GSTA1: variants seen among roughly 807,000 people sequenced by gnomAD.
GSTA1 encodes glutathione S-transferase alpha 1.
Under a neutral mutation model 21.5 loss-of-function variants are expected in GSTA1, and 23 were observed. That is an observed-to-expected ratio of 1.07 (90% CI 0.77 to 1.52). The LOEUF (loss-of-function observed/expected upper bound fraction) is 1.52. Ranked by LOEUF, GSTA1 falls within the 40% of genes most tolerant of loss-of-function variation. The pLI is 0.00. For missense variants in GSTA1, 301 were observed against 264.2 expected (o/e 1.14, Z -0.96); for synonymous variants, 125 against 90.0 (o/e 1.39, Z -2.20).
At chr6:52,795,111 T>A (rs1249385100) in intron 4 of GSTA1, among the ~76,000 whole-genome samples, 1 of 370 alleles carries the variant, frequency 2.7e-3, no homozygotes, top group African/African-American at 3.1e-3. Context: ...ATTAGCAGTA[T>A]TCTTTTTTCT....
intron 2 of GSTA1, 27 bp downstream of exon 2, chr6:52,799,154 C>T (rs1201052994): frequency 6.2e-7 from 1 of 1,603,124 alleles, no homozygotes; most frequent in East Asian, 2.2e-5. Context: ...TTAAATCCAA[C>T]TTAAGATGAC....
chr6:52,799,485 GCAA>G (rs1763662881), intron 1 of GSTA1, among the ~76,000 whole-genome samples, 188 bp from the exon 2 acceptor site: 1 of 152,166 alleles, frequency 6.6e-6, no homozygotes, highest in Admixed American at 6.5e-5. Context: ...TCAGATTCCA[GCAA>G]ACCAGTCTCA....
At chr6:52,796,106 T>A in intron 4 of GSTA1, 76 bp downstream of exon 4, 1 of 1,604,388 alleles carries the variant, frequency 6.2e-7, no homozygotes, top group South Asian at 1.1e-5. Context: ...TGCCCTGCCA[T>A]CGTCCCACCC....
At chr6:52,800,537 C>G (rs1763691313) in intron 1 of GSTA1, among the ~76,000 whole-genome samples, 1 of 152,238 alleles carries the variant, frequency 6.6e-6, no homozygotes, top group Non-Finnish European at 1.5e-5. Flanking sequence ...TGCATGCTCA[C>G]TTGCTCATTG....
intron 4 of GSTA1, among the ~76,000 whole-genome samples, chr6:52,795,946 C>T (rs1296988335): frequency 9.2e-5 from 14 of 152,108 alleles, no homozygotes; most frequent in Non-Finnish European, 1.0e-4. Context: ...TGGAAATTAC[C>T]GTGAGGTGCT....
intron 3 of GSTA1, among the ~76,000 whole-genome samples, chr6:52,796,552 T>A (rs1486494835): frequency 6.8e-5 from 8 of 118,224 alleles, no homozygotes; most frequent in African/African-American, 2.2e-4. Context: ...TATTTTTTTT[T>A]TTTTTTTTTT....
intron 5 of GSTA1, among the ~76,000 whole-genome samples, chr6:52,793,582 C>T (rs748428056): frequency 2.0e-5 from 3 of 152,134 alleles, no homozygotes; most frequent in African/African-American, 4.8e-5. Flanking sequence ...CAAGCTGAAG[C>T]GTTTACGGGT....
At chr6:52,792,103 G>A in intron 6 of GSTA1, 123 bp from the exon 7 acceptor site, 1 of 1,391,184 alleles carries the variant, frequency 7.2e-7, no homozygotes, top group Non-Finnish European at 9.8e-7. Flanking sequence ...GCACAAGCAT[G>A]GAGGCAGAAA....
At chr6:52,800,577 C>T (rs1235535553) in intron 1 of GSTA1, among the ~76,000 whole-genome samples, 2 of 152,158 alleles carry the variant, frequency 1.3e-5, no homozygotes, top group African/African-American at 2.4e-5. Context: ...TGACTGGGCT[C>T]ATCAGTGAAG....
chr6:52,792,624 C>A, intron 6 of GSTA1: 1 of 1,076,168 alleles, frequency 9.3e-7, no homozygotes, highest in Non-Finnish European at 1.3e-6. Context: ...GGGTTCTTTC[C>A]ATAATAAAGG....
At chr6:52,795,794 C>A (rs1763561968) in intron 4 of GSTA1, among the ~76,000 whole-genome samples, 4 of 152,154 alleles carry the variant, frequency 2.6e-5, no homozygotes. Flanking sequence ...GTCTTTGCAA[C>A]TTTCCCTCCC....
chr6:52,795,439 A>G (rs951621181), intron 4 of GSTA1, among the ~76,000 whole-genome samples: 1 of 152,056 alleles, frequency 6.6e-6, no homozygotes, highest in African/African-American at 2.4e-5. Context: ...ATTTATGTAA[A>G]ATATATAGTG....
At chr6:52,794,610 T>C (rs889912874) in intron 4 of GSTA1, among the ~76,000 whole-genome samples, 6 of 152,336 alleles carry the variant, frequency 3.9e-5, no homozygotes, top group Non-Finnish European at 8.8e-5. Context: ...GTTCTGTGCA[T>C]GAACTTAGTG....
At chr6:52,802,386 A>G (rs1355522395) in intron 1 of GSTA1, among the ~76,000 whole-genome samples, 4 of 152,160 alleles carry the variant, frequency 2.6e-5, no homozygotes, top group Non-Finnish European at 5.9e-5. Context: ...AGGTTGTTTA[A>G]TCTCTGAGCC....
chr6:52,798,555 T>C (rs1763639924), intron 2 of GSTA1, among the ~76,000 whole-genome samples: 2 of 104,564 alleles, frequency 1.9e-5, no homozygotes, highest in East Asian at 2.4e-4. Flanking sequence ...CTAATTACAA[T>C]CATTTTTTAA....
rs1358949838 is a variant in GSTA1, at chr6:52,800,923, C to A, written c.-30-1626G>T. Among the ~76,000 whole-genome samples, 4 of 151,866 alleles carry A rather than the reference C, an allele frequency of 2.6e-5. No homozygotes were observed. The East Asian group carries it at 7.7e-4, about 29-fold the overall frequency. On this transcript the variant is annotated intron_variant, in intron 1 of 6. Coordinates refer to ENST00000334575, the MANE Select transcript of GSTA1 (RefSeq NM_145740.5). Reference sequence around the variant, plus strand: ...TGAGATGGAGTTTCACTGTTTTTGCCCAGGCTGGAGAGCAATGGCGTGATC... The same window carrying A: ...TGAGATGGAGTTTCACTGTTTTTGCACAGGCTGGAGAGCAATGGCGTGATC...
At chr6:52,795,071 T>C (rs1277762327) in intron 4 of GSTA1, among the ~76,000 whole-genome samples, 4 of 150,924 alleles carry the variant, frequency 2.7e-5, no homozygotes, top group Non-Finnish European at 5.9e-5. Context: ...GCAGAATTAT[T>C]TTTGTCGCCC....
intron 2 of GSTA1, 66 bp downstream of exon 2, chr6:52,799,115 C>A: frequency 6.9e-7 from 1 of 1,447,364 alleles, no homozygotes; most frequent in Non-Finnish European, 9.7e-7. Context: ...CTCATAGTTT[C>A]TGTGGGAAAA....
At chr6:52,793,492 G>A (rs1311623512) in intron 5 of GSTA1, among the ~76,000 whole-genome samples, 1 of 152,136 alleles carries the variant, frequency 6.6e-6, no homozygotes, top group African/African-American at 2.4e-5. Flanking sequence ...CCTGGGATCT[G>A]TAGGAAACCT....
Sources: gnomAD v4.1 joint callset for allele counts (sites outside exome capture counted in the v4.1 genomes callset) on GRCh38, gnomAD v4.1.1 for gene constraint, MANE v1.5 for transcripts, NCBI Gene and HGNC (gene_info 2026-07-23, HGNC 2026-07-21) for gene names.